The following CMSS1 variants were observed in gnomAD, a reference collection of about 807,000 sequenced individuals.
CMSS1 encodes protein CMSS1.
Under a neutral mutation model 43.5 loss-of-function variants are expected in CMSS1, and 33 were observed. The observed-to-expected ratio is 0.76, with a 90% CI of 0.57 to 1.01. CMSS1 has a LOEUF of 1.01. CMSS1 is among the 50% of genes least tolerant of loss of function. The pLI is 0.00. For missense variants in CMSS1, 313 were observed against 326.4 expected, an observed-to-expected ratio of 0.96 and a Z score of 0.32; for synonymous variants, 115 against 117.2, an observed-to-expected ratio of 0.98 and a Z score of 0.12.
chr3:99,934,655 C>T (rs560096109), intron 1 of CMSS1, among the ~76,000 whole-genome samples: 1 of 152,252 alleles, frequency 6.6e-6, no homozygotes, highest in East Asian at 1.9e-4. Context: ...AAGTAGTGCC[C>T]TTTTAGCTTA....
At chr3:99,832,560 A>AAAAAG (rs201155810) in intron 1 of CMSS1, among the ~76,000 whole-genome samples, 1 of 120,808 alleles carries the variant, frequency 8.3e-6, no homozygotes, top group African/African-American at 3.3e-5. Flanking sequence ...AAAAAAAAAA[A>AAAAAG]GGCCTAGCGC....
At chr3:99,844,612 C>T (rs960550858) in intron 1 of CMSS1, among the ~76,000 whole-genome samples, 2 of 152,134 alleles carry the variant, frequency 1.3e-5, no homozygotes, top group African/African-American at 4.8e-5. Context: ...ACCATAGAAT[C>T]CTTAGACTAC....
At chr3:100,126,891 A>G (rs970979937) in intron 1 of CMSS1, among the ~76,000 whole-genome samples, 6 of 152,164 alleles carry the variant, frequency 3.9e-5, no homozygotes, top group South Asian at 2.1e-4. Flanking sequence ...CCAGCTACTC[A>G]GGAGGCTGAG....
chr3:99,912,668 G>A (rs1353036836), intron 1 of CMSS1, among the ~76,000 whole-genome samples: 8 of 152,122 alleles, frequency 5.3e-5, no homozygotes, highest in Admixed American at 1.3e-4. Flanking sequence ...ATGAGCCACC[G>A]CACCTGGCCC....
chr3:100,033,537 CTG>C (rs1403639646), intron 1 of CMSS1, among the ~76,000 whole-genome samples: 3 of 152,296 alleles, frequency 2.0e-5, no homozygotes, highest in South Asian at 2.1e-4. Context: ...AAGTTGGACT[CTG>C]TGTTAACTTG....
At chr3:99,911,544 G>A (rs1706789068) in intron 1 of CMSS1, among the ~76,000 whole-genome samples, 1 of 151,822 alleles carries the variant, frequency 6.6e-6, no homozygotes, top group African/African-American at 2.4e-5. Context: ...TGTATGCCCT[G>A]GCTCTAAAAT....
intron 1 of CMSS1, among the ~76,000 whole-genome samples, chr3:100,037,965 A>G (rs5851193): frequency 0.035 from 3,501 of 100,384 alleles, 163 homozygotes; most frequent in African/African-American, 0.11. Flanking sequence ...TTGGGGGGGG[A>G]GGGAACAGAG....
intron 1 of CMSS1, among the ~76,000 whole-genome samples, chr3:99,949,404 G>T (rs1708110185): frequency 6.6e-6 from 1 of 152,146 alleles, no homozygotes; most frequent in Non-Finnish European, 1.5e-5. Context: ...TTGTTCTTCA[G>T]CTCTGTCTAA....
intron 1 of CMSS1, among the ~76,000 whole-genome samples, chr3:100,002,171 TG>T (rs907616988): frequency 5.4e-4 from 82 of 152,336 alleles, no homozygotes; most frequent in African/African-American, 1.9e-3. Flanking sequence ...CTTCTTTATT[TG>T]GAGCTGATGG....
intron 1 of CMSS1, among the ~76,000 whole-genome samples, chr3:99,818,617 TATC>T (rs1426656978): frequency 1.3e-5 from 2 of 152,254 alleles, no homozygotes; most frequent in Non-Finnish European, 2.9e-5. Context: ...TCATCATCAT[TATC>T]ATGGAATTTG....
At chr3:100,094,044 C>A (rs906222654) in intron 1 of CMSS1, among the ~76,000 whole-genome samples, 1 of 152,156 alleles carries the variant, frequency 6.6e-6, no homozygotes, top group East Asian at 1.9e-4. Context: ...ACATTCCTAC[C>A]AGCAATGTAT....
intron 1 of CMSS1, among the ~76,000 whole-genome samples, chr3:100,010,740 GAGT>G (rs1710124642): frequency 2.7e-5 from 4 of 148,300 alleles, no homozygotes; most frequent in Admixed American, 1.3e-4. Flanking sequence ...TCAGCCTCCT[GAGT>G]AGCTGGGATT....
At chr3:99,934,073 A>G (rs926428028) in intron 1 of CMSS1, among the ~76,000 whole-genome samples, 2 of 152,202 alleles carry the variant, frequency 1.3e-5, no homozygotes, top group Non-Finnish European at 2.9e-5. Flanking sequence ...TCTCAGCTGT[A>G]TGTGACTCTC....
intron 1 of CMSS1, among the ~76,000 whole-genome samples, 177 bp from the exon 2 acceptor site, chr3:100,146,796 A>T (rs2066854897): frequency 6.6e-6 from 1 of 152,222 alleles, no homozygotes; most frequent in African/African-American, 2.4e-5. Context: ...TTTATAAATG[A>T]GAATGCCATC....
intron 1 of CMSS1, among the ~76,000 whole-genome samples, chr3:99,979,476 C>A (rs1451771876): frequency 6.6e-6 from 1 of 152,072 alleles, no homozygotes; most frequent in African/African-American, 2.4e-5. Context: ...AGATGATGAA[C>A]CAGCATTGGA....
At chr3:99,848,449 C>A in intron 1 of CMSS1, 1 of 1,614,146 alleles carries the variant, frequency 6.2e-7, no homozygotes, top group South Asian at 1.1e-5. Context: ...TCTCACAGGG[C>A]TGGCTACAGC....
At chr3:99,819,757 CT>C (rs551286788) in intron 1 of CMSS1, among the ~76,000 whole-genome samples, 3,290 of 135,888 alleles carry the variant, frequency 0.024, 59 homozygotes, top group Admixed American at 0.08. Flanking sequence ...TTTTTTTTTT[CT>C]TTTTTTTTTT....
At chr3:100,082,884 G>C (rs1411047285) in intron 1 of CMSS1, among the ~76,000 whole-genome samples, 2 of 152,178 alleles carry the variant, frequency 1.3e-5, no homozygotes, top group East Asian at 3.8e-4. Context: ...TATTTTGTGA[G>C]AATGGCCTAT....
chr3:100,150,009 G>A (rs908955492), intron 2 of CMSS1, among the ~76,000 whole-genome samples: 6 of 151,910 alleles, frequency 3.9e-5, no homozygotes, highest in African/African-American at 1.5e-4. Flanking sequence ...ATTCAGGGCT[G>A]GGGTCTGTCC....
Sources: gnomAD v4.1 joint callset for allele counts (sites outside exome capture counted in the v4.1 genomes callset) on GRCh38, gnomAD v4.1.1 for gene constraint, MANE v1.5 for transcripts, NCBI Gene and HGNC (gene_info 2026-07-23, HGNC 2026-07-21) for gene names.